Variants in PPP1R18 observed in about 807,000 individuals in gnomAD.
The protein encoded by PPP1R18 is protein phosphatase 1 regulatory subunit 18.
Under a neutral mutation model 54.8 loss-of-function variants are expected in PPP1R18, and 31 were observed. The observed-to-expected ratio is 0.57, with a 90% confidence interval of 0.43 to 0.76. PPP1R18 has a LOEUF of 0.76. PPP1R18 is among the 30% of genes least tolerant of loss of function. The pLI is 0.00. For missense variants in PPP1R18, 685 were observed against 776.1 expected (o/e 0.88, Z 1.39); for synonymous variants, 310 against 320.2 (o/e 0.97, Z 0.34).
At chr6:30,679,050 C>G in intron 2 of PPP1R18, 129 bp downstream of exon 2, 1 of 639,364 alleles carries the variant, frequency 1.6e-6, no homozygotes, top group East Asian at 3.1e-5. Context: ...GTTAAAGGAG[C>G]ATGTTGAACC....
Position 30,686,002 on chromosome 6 carries a change from T to A in PPP1R18, c.17A>T (p.Asp6Val), listed in dbSNP as rs746117604. Reference protein sequence around the residue: MATIPDWKLQLLARRR... With the variant: MATIPVWKLQLLARRR... ...CCGGGCTAGCAGCTGTAGCTTCCAG[T>A]CTGGGATGGTGGCCATGGTCGTCTT... is the stretch of plus-strand genomic sequence containing the variant. Residue 6 changes from aspartate (D) to valine (V), a missense_variant, in exon 1 of 3, where the codon GAC becomes GTC. Coordinates refer to ENST00000274853, the MANE Select transcript of PPP1R18 (RefSeq NM_133471.4). 1 of 1,574,824 alleles carries A rather than the reference T, an allele frequency of 6.3e-7. No homozygotes were observed.
intron 1 of PPP1R18, 55 bp from the exon 2 acceptor site, chr6:30,679,444 CG>C: frequency 6.1e-6 from 1 of 165,004 alleles, no homozygotes; most frequent in Non-Finnish European, 1.1e-5. Flanking sequence ...GAGAAGCCCG[CG>C]GGGGTTGAGG....
Position 30,684,458 on chromosome 6 carries a change from G to C in PPP1R18, c.1561C>G (p.Leu521Val). The change falls in exon 1 of 3, where the codon CTC (leucine) becomes GTC (valine). Residue 521 changes from leucine (L) to valine (V), a missense_variant. Physicochemically the swap from Leu to Val is conservative, Grantham distance 32. Transcript: ENST00000274853. The surrounding 1 kb of genome is among the most constrained non-coding windows in gnomAD (Gnocchi z 6.0). ...CCCTTGGCAAGGCAGCTGCGGCTGA[G>C]ACGGAGGTAGCCCCCCAGAACCAAG... ...EILVLGGYLR[L>V]SRSCLAKGSP... 2 of 1,603,470 alleles carry C rather than the reference G, an allele frequency of 1.2e-6. No individual in the cohort carries two copies. Among genetic ancestry groups the C allele is most frequent in the Non-Finnish European group, 8.5e-7 (1 of 1,174,166 alleles).
chr6:30,684,559 G>C lies in PPP1R18; in HGVS notation c.1460C>G (p.Thr487Ser), dbSNP rs560627023. The C allele has an allele frequency of 3.7e-6, 6 of 1,611,300 alleles. No individual in the cohort carries two copies. In the African/African-American group the frequency reaches 5.3e-5, roughly 14 times the overall value. ...RRSVPPATPA[T>S]PTSPATVDAA... ...ATCAACTGTGGCTGGAGAGGTTGGG[G>C]TGGCTGGGGTCGCAGGGGGCACAGA... Residue 487 changes from threonine (T) to serine (S), a missense_variant, in exon 1 of 3, where the codon ACC (threonine) becomes AGC (serine). Physicochemically the swap from Thr to Ser is moderately conservative, Grantham distance 58 (BLOSUM62 1). Coordinates refer to ENST00000274853, the MANE Select transcript of PPP1R18 (RefSeq NM_133471.4). The surrounding 1 kb of genome is among the most constrained non-coding windows in gnomAD (Gnocchi z 6.0).
rs1235390225 is a variant in PPP1R18, at chr6:30,684,983, G to T, written c.1036C>A (p.Pro346Thr). The T allele has an allele frequency of 1.2e-6, 2 of 1,613,050 alleles. No homozygotes were observed. The highest frequency in any genetic ancestry group is 1.7e-6 in the Non-Finnish European group (2 of 1,179,954). ...TGAGTTTGAGCCTCTATGTCCCTGGGTGTCCATTCTCGAGCCTTCCCGGAG... is the reference window on the plus strand; with the variant it reads ...TGAGTTTGAGCCTCTATGTCCCTGGTTGTCCATTCTCGAGCCTTCCCGGAG... ...LNSGKAREWT[P>T]RDIEAQTQKP... Residue 346 changes from proline to threonine, a missense_variant, in exon 1 of 3, where the codon CCC becomes ACC. Transcript: ENST00000274853. The surrounding 1 kb of genome is among the most constrained non-coding windows in gnomAD (Gnocchi z 6.0).
chr6:30,677,867 T>C (rs1770284699), intron 2 of PPP1R18, among the ~76,000 whole-genome samples: 1 of 151,940 alleles, frequency 6.6e-6, no homozygotes, highest in Admixed American at 6.6e-5. Context: ...AATAAATAAA[T>C]AAATAAAATT....
Position 30,676,501 on chromosome 6 carries a change from C to T in PPP1R18, c.*768G>A, listed in dbSNP as rs1357868941. The stretch of plus-strand genomic sequence containing the variant: ...GAGGTGAGGTGTCTCCTTAGCCACC[C>T]GACACCATCTCAATTCAGTTCAATT... On this transcript the variant is annotated 3_prime_UTR_variant, in exon 3 of 3. Transcript: ENST00000274853. The T allele has an allele frequency of 6.6e-6, 1 of 152,206 alleles. No homozygotes were observed. The allele number at this position is 152,206 out of a possible 1,614,324, so 9.4% of individuals were successfully genotyped here. A position where few individuals can be genotyped will look rare whatever the true frequency, so the allele number is the denominator to read the frequency against.
upstream of PPP1R18, chr6:30,687,769 C>T (rs1201525933): frequency 6.6e-6 from 1 of 152,556 alleles, no homozygotes; most frequent in East Asian, 1.9e-4. This position sits in a 1 kb window ranked among gnomAD's most constrained non-coding sequence, Gnocchi z 7.9. Context: ...GATGCTCCCT[C>T]CCCTACCAGA....
At chr6:30,679,668 G>A (rs1582993284) in intron 1 of PPP1R18, among the ~76,000 whole-genome samples, 1 of 152,166 alleles carries the variant, frequency 6.6e-6, no homozygotes, top group Admixed American at 6.5e-5. Context: ...ACGTTGGCAG[G>A]GGCTTGGGAG....
At chr6:30,687,130 G>A (rs572642049), upstream of PPP1R18, 1 of 153,760 alleles carries the variant, frequency 6.5e-6, no homozygotes, top group South Asian at 2.0e-4. The surrounding 1 kb of genome is among the most constrained non-coding windows in gnomAD (Gnocchi z 7.9). Context: ...CGGGACCCCC[G>A]GGGGAGGGGG....
chr6:30,681,636 C>T (rs1261748263), intron 1 of PPP1R18, among the ~76,000 whole-genome samples: 4 of 151,692 alleles, frequency 2.6e-5, no homozygotes, highest in Non-Finnish European at 4.4e-5. Context: ...TGGTGGCGTG[C>T]GCCTGTAATT....
intron 1 of PPP1R18, among the ~76,000 whole-genome samples, chr6:30,680,481 T>C (rs1770481860): frequency 6.6e-6 from 1 of 151,982 alleles, no homozygotes; most frequent in Non-Finnish European, 1.5e-5. Context: ...AACTGAGGTA[T>C]GAAAAGAGAG....
chr6:30,684,983 G>A lies in PPP1R18; in HGVS notation c.1036C>T (p.Pro346Ser). The A allele has an allele frequency of 6.2e-7, 1 of 1,613,050 alleles. No individual in the cohort carries two copies. The highest frequency in any genetic ancestry group is 8.5e-7 in the Non-Finnish European group (1 of 1,179,954). The stretch of plus-strand genomic sequence containing the variant: ...TGAGTTTGAGCCTCTATGTCCCTGG[G>A]TGTCCATTCTCGAGCCTTCCCGGAG... ...LNSGKAREWT[P>S]RDIEAQTQKP... The change falls in exon 1 of 3, where the codon CCC (proline) becomes TCC (serine). Residue 346 changes from proline to serine, a missense_variant. Transcript: ENST00000274853. The surrounding 1 kb of genome is among the most constrained non-coding windows in gnomAD (Gnocchi z 6.0).
In PPP1R18 at chr6:30,685,446, T is replaced by C; in HGVS notation, c.573A>G (p.Lys191=). The change falls in exon 1 of 3, where the codon AAA becomes AAG. Residue 191 remains lysine (K), a synonymous_variant. Transcript: ENST00000274853. This position sits in a 1 kb window ranked among gnomAD's most constrained non-coding sequence, Gnocchi z 5.0. ...GAGTTTCTCCAGGACTCAGCCTCCA[T>C]TTCCATGCCTCTGACAGTCGGGAGC... is the stretch of plus-strand genomic sequence containing the variant. ...DRSSRLSEAW[K]WRLSPGETPE... is the part of the protein sequence containing the mutation. 5 of 1,613,048 alleles carry C rather than the reference T, an allele frequency of 3.1e-6. No homozygotes were observed. Among genetic ancestry groups the C allele is most frequent in the Non-Finnish European group, 4.2e-6 (5 of 1,180,032 alleles).
intron 2 of PPP1R18, among the ~76,000 whole-genome samples, chr6:30,678,869 A>G (rs999339427): frequency 6.6e-6 from 1 of 152,180 alleles, no homozygotes; most frequent in African/African-American, 2.4e-5. Context: ...GCAAGAGATC[A>G]GATGGTTTCC....
At position 30,684,378 on chromosome 6, in the gene PPP1R18, C is replaced by T. The variant is rs775808894; in HGVS notation, c.1611+30G>A. The T allele has an allele frequency of 2.0e-6, 3 of 1,511,228 alleles. No homozygotes were observed. Among genetic ancestry groups the T allele is most frequent in the Non-Finnish European group, 2.7e-6 (3 of 1,128,648 alleles). The allele number at this position is 1,511,228 out of a possible 1,614,324, so 93.6% of individuals were successfully genotyped here. ...CCAGAGAAAATTGACAAGTGGACTT[C>T]TAAGAAGTCTGGCTTGGCTGCTTCC... On this transcript the variant is annotated intron_variant, in intron 1 of 2. Coordinates refer to ENST00000274853, the MANE Select transcript of PPP1R18 (RefSeq NM_133471.4). This position sits in a 1 kb window ranked among gnomAD's most constrained non-coding sequence, Gnocchi z 6.0.
rs181690147 is a variant in PPP1R18 at position 30,678,533 on chromosome 6, G to A, written c.1822+646C>T. Reference sequence around the variant, plus strand: ...TGGGACTACAGGTGCCCGCCACCACGCCCAGCTAATTTTTTTTTGTATTTT... The same window carrying A: ...TGGGACTACAGGTGCCCGCCACCACACCCAGCTAATTTTTTTTTGTATTTT... On this transcript the variant is annotated intron_variant, in intron 2 of 2. Coordinates refer to ENST00000274853, the MANE Select transcript of PPP1R18 (RefSeq NM_133471.4). Among the ~76,000 whole-genome samples the A allele has an allele frequency of 4.7e-3, 721 of 151,970 alleles. 4 individuals carry two copies. Among genetic ancestry groups the A allele is most frequent in the African/African-American group, 0.014 (570 of 41,438 alleles).
chr6:30,678,274 A>G (rs1322159969), intron 2 of PPP1R18, among the ~76,000 whole-genome samples: 1 of 151,648 alleles, frequency 6.6e-6, no homozygotes, highest in East Asian at 1.9e-4. Flanking sequence ...GGGTGGTGCA[A>G]TATTGGTTCA....
Position 30,676,478 on chromosome 6 carries a change from G to C in PPP1R18, c.*791C>G, listed in dbSNP as rs1446218603. On this transcript the variant is annotated 3_prime_UTR_variant, in exon 3 of 3. Transcript: ENST00000274853. The stretch of plus-strand genomic sequence containing the variant: ...AAAGGCGGCACAATGGGGAAGGAGA[G>C]GTGAGGTGTCTCCTTAGCCACCCGA... The C allele has an allele frequency of 3.3e-5, 5 of 152,198 alleles. No individual in the cohort carries two copies. Among genetic ancestry groups the C allele is most frequent in the Non-Finnish European group, 7.3e-5 (5 of 68,046 alleles). 9.4% of individuals were successfully genotyped at this position (152,198 alleles called of 1,614,324 possible).
Sources: allele counts gnomAD v4.1 joint callset (sites outside exome capture counted in the v4.1 genomes callset), GRCh38; gene constraint gnomAD v4.1.1; non-coding constraint Gnocchi (gnomAD v3.1); transcripts MANE v1.5; gene names NCBI Gene and HGNC (gene_info 2026-07-23, HGNC 2026-07-21).